The following MAP3K13 variants were observed in gnomAD, a reference collection of about 807,000 sequenced individuals.
The protein encoded by MAP3K13 is mitogen-activated protein kinase kinase kinase 13.
In MAP3K13, 52 loss-of-function variants were observed where a neutral mutation model predicts 104.0. The ratio of observed to expected loss-of-function variants is 0.50; its 90% confidence interval spans 0.40 to 0.63. The LOEUF is 0.63. MAP3K13 is among the 20% of genes least tolerant of loss of function. MAP3K13 has a pLI of 0.00. For synonymous variants in MAP3K13, 394 were observed against 442.2 expected, an observed-to-expected ratio of 0.89 and a Z score of 1.37; for missense variants, 914 against 1,218.5, an observed-to-expected ratio of 0.75 and a Z score of 3.72.
At chr3:185,307,546 C>CCCCCCCCCCCCCCCCCCCCCCA (rs58408265) in intron 2 of MAP3K13, among the ~76,000 whole-genome samples, 22 of 104,078 alleles carry the variant, frequency 2.1e-4, no homozygotes, top group East Asian at 6.4e-4. Context: ...GCACCACCCC[C>CCCCCCCCCCCCCCCCCCCCCCA]TCCCCCGCCA....
chr3:185,303,033 T>G lies in MAP3K13; in HGVS notation c.-86+17390T>G, dbSNP rs533036718. Among the ~76,000 whole-genome samples, 242 of 152,302 alleles carry G rather than the reference T, an allele frequency of 1.6e-3. 1 individual carries two copies. The highest frequency in any genetic ancestry group is 5.4e-3 in the African/African-American group (223 of 41,568). ...CTTCTATTTTTAGTTTGTTGGGTGTTTTTATCATGAAAGGAGATTGAAGTT... is the reference window on the plus strand; with the variant it reads ...CTTCTATTTTTAGTTTGTTGGGTGTGTTTATCATGAAAGGAGATTGAAGTT... On this transcript the variant is annotated intron_variant, in intron 2 of 14. Transcript: ENST00000424227.
rs746110965 is a variant in MAP3K13, at chr3:185,451,301, G to T, written c.1184G>T (p.Arg395Leu). Residue 395 changes from arginine (R) to leucine (L), a missense_variant, in exon 7 of 14, where the codon CGA (arginine) becomes CTA (leucine). This residue lies in a region of MAP3K13 where 583 missense variants were observed against 737.4 expected (regional missense o/e 0.79). Coordinates refer to ENST00000265026, the MANE Select transcript of MAP3K13 (RefSeq NM_004721.5). ...TTCACTTTTAGGCAGAGTAAACCTC[G>T]AAACCGACCTTCTTTTCGGCAGACA... The part of the protein sequence containing the change: ...LMKQTWQSKP[R>L]NRPSFRQTLM... 1.9e-6 allele frequency: 3 copies of T among 1,612,118 alleles called. 1 individual carries two copies. Among genetic ancestry groups the T allele is most frequent in the Middle Eastern group, 3.3e-4 (2 of 6,050 alleles).
At position 185,473,089 on chromosome 3, in the gene MAP3K13, C is replaced by A. The variant is rs1160913269; in HGVS notation, c.1758C>A (p.Ser586Arg). 6.2e-7 allele frequency: 1 copy of A among 1,614,170 alleles called. No homozygotes were observed. The highest frequency in any genetic ancestry group is 8.5e-7 in the Non-Finnish European group (1 of 1,180,036). The change falls in exon 11 of 14, where the codon AGC becomes AGA. Residue 586 changes from serine to arginine, a missense_variant. By Grantham distance (110) the Ser-to-Arg change is moderately radical. Transcript: ENST00000265026. The surrounding 1 kb of genome is among the most constrained non-coding windows in gnomAD (Gnocchi z 4.9). ...CTAGCAGCAAGAGCCGATATCGAAG[C>A]AAACCACGCCACCGCCGAGGGAATA... ...STSSSKSRYR[S>R]KPRHRRGNSR... is the part of the protein sequence containing the mutation.
intron 2 of MAP3K13, among the ~76,000 whole-genome samples, chr3:185,351,356 T>C (rs1485368579): frequency 6.6e-6 from 1 of 152,234 alleles, no homozygotes; most frequent in Non-Finnish European, 1.5e-5. Context: ...AATAAAAGTT[T>C]TTTAAAATGT....
intron 2 of MAP3K13, among the ~76,000 whole-genome samples, chr3:185,297,460 C>T (rs920045828): frequency 1.3e-5 from 2 of 152,056 alleles, no homozygotes; most frequent in African/African-American, 4.8e-5. Flanking sequence ...ATTGGCTGGG[C>T]GCAGTGACTC....
exon 2 of MAP3K13, chr3:185,285,538 A>G (rs1173713470): frequency 2.5e-5 from 33 of 1,302,614 alleles, no homozygotes; most frequent in Non-Finnish European, 3.2e-5. Flanking sequence ...ACTGAAATCT[A>G]TGGACTCTAA....
At chr3:185,385,087 C>G (rs1277725742) in intron 1 of MAP3K13, among the ~76,000 whole-genome samples, 1 of 152,122 alleles carries the variant, frequency 6.6e-6, no homozygotes, top group Non-Finnish European at 1.5e-5. Context: ...CATAAGTTGT[C>G]AATCCATTTT....
intron 1 of MAP3K13, among the ~76,000 whole-genome samples, chr3:185,387,530 C>T (rs1044933375): frequency 3.3e-5 from 5 of 152,090 alleles, no homozygotes; most frequent in East Asian, 1.9e-4. Flanking sequence ...TACCCAGCCT[C>T]GGGTATTCCT....
chr3:185,374,418 G>T (rs950952894), intron 1 of MAP3K13, among the ~76,000 whole-genome samples: 1 of 152,106 alleles, frequency 6.6e-6, no homozygotes, highest in Non-Finnish European at 1.5e-5. Context: ...GGAAGATTTT[G>T]TGGTAAGGGG....
chr3:185,358,046 G>A (rs1167926071), intron 2 of MAP3K13, among the ~76,000 whole-genome samples: 1 of 151,988 alleles, frequency 6.6e-6, no homozygotes, highest in Non-Finnish European at 1.5e-5. Flanking sequence ...TTTATTTATA[G>A]CATACCTTTT....
At chr3:185,405,836 T>A (rs1713084298) in intron 1 of MAP3K13, among the ~76,000 whole-genome samples, 1 of 152,230 alleles carries the variant, frequency 6.6e-6, no homozygotes, top group African/African-American at 2.4e-5. Context: ...AGGGTAGGAC[T>A]ATCTGACCGG....
chr3:185,309,713 C>T (rs1182903548), intron 2 of MAP3K13, among the ~76,000 whole-genome samples: 1 of 152,140 alleles, frequency 6.6e-6, no homozygotes, highest in Non-Finnish European at 1.5e-5. Context: ...ATTATGGGGG[C>T]AGGGTAGAAG....
At chr3:185,474,095 G>A (rs1717970940) in intron 11 of MAP3K13, among the ~76,000 whole-genome samples, 1 of 152,154 alleles carries the variant, frequency 6.6e-6, no homozygotes, top group Non-Finnish European at 1.5e-5. Context: ...GGCCAAGGCA[G>A]GAGGATCACT....
chr3:185,465,932 T>C (rs1332057825), intron 9 of MAP3K13, 69 bp downstream of exon 9: 3 of 1,085,104 alleles, frequency 2.8e-6, no homozygotes, highest in Non-Finnish European at 4.3e-6. Flanking sequence ...ATACTACCCT[T>C]CCATGTTGCT....
upstream of MAP3K13, among the ~76,000 whole-genome samples, chr3:185,361,936 C>G (rs938528889): frequency 2.6e-5 from 4 of 152,314 alleles, no homozygotes; most frequent in East Asian, 7.7e-4. Context: ...GTAAAATTAT[C>G]CTGAAAAGTT....
intron 7 of MAP3K13, 109 bp from the exon 8 acceptor site, chr3:185,463,441 G>C (rs1717228052): frequency 3.2e-6 from 2 of 628,790 alleles, no homozygotes; most frequent in East Asian, 2.5e-5. Flanking sequence ...TCTGAAAAAG[G>C]CTCTTCAGTA....
intron 7 of MAP3K13, among the ~76,000 whole-genome samples, chr3:185,455,521 TGATATATATGA>T (rs1183305476): frequency 8.7e-5 from 5 of 57,414 alleles, no homozygotes; most frequent in South Asian, 6.4e-4. Flanking sequence ...GAGATATATA[TGATATATATGA>T]GATATATATG....
At chr3:185,406,493 G>T (rs1375738549) in intron 1 of MAP3K13, among the ~76,000 whole-genome samples, 1 of 152,048 alleles carries the variant, frequency 6.6e-6, no homozygotes, top group Non-Finnish European at 1.5e-5. Flanking sequence ...GAATCTACTG[G>T]GATTAAAAAA....
At chr3:185,456,803 G>A (rs1330195912) in intron 7 of MAP3K13, among the ~76,000 whole-genome samples, 2 of 151,932 alleles carry the variant, frequency 1.3e-5, no homozygotes, top group Non-Finnish European at 1.5e-5. Context: ...GTTTCACCAC[G>A]TTGGCCAGGC....
Sources: allele counts gnomAD v4.1 joint callset (sites outside exome capture counted in the v4.1 genomes callset), GRCh38; gene constraint gnomAD v4.1.1; regional missense constraint gnomAD v4.1.1; non-coding constraint Gnocchi (gnomAD v3.1); transcripts MANE v1.5; gene names NCBI Gene and HGNC (gene_info 2026-07-23, HGNC 2026-07-21).